CLK3: variants seen among roughly 807,000 people sequenced by gnomAD.
The protein encoded by CLK3 is CDC like kinase 3.
CLK3 carries 24 observed loss-of-function variants against 65.2 expected under a neutral mutation model. That is an observed-to-expected ratio of 0.37 (90% CI 0.27 to 0.52). The LOEUF is 0.52. Ranked by LOEUF, CLK3 falls within the 20% of genes least tolerant of loss-of-function variation. The pLI, the probability that CLK3 is intolerant of heterozygous loss-of-function variation, is 0.92. For synonymous variants in CLK3, 252 were observed against 240.8 expected (o/e 1.05, Z -0.43); for missense variants, 506 against 660.0 (o/e 0.77, Z 2.56).
Position 74,615,842 on chromosome 15 carries a change from G to A in CLK3, c.-57G>A. 1 of 1,250,892 alleles carries A rather than the reference G, an allele frequency of 8.0e-7. No individual in the cohort carries two copies. Among genetic ancestry groups the A allele is most frequent in the African/African-American group, 1.5e-5 (1 of 65,128 alleles). 77.5% of individuals were successfully genotyped at this position (1,250,892 alleles called of 1,614,324 possible). On this transcript the variant is annotated 5_prime_UTR_variant, in exon 1 of 13. Transcript: ENST00000395066. ...ACGGGCGGAGGTCGCAGCCGGAAGC[G>A]GAAGAGGCGCTCGGAGCGGGGAGTG...
Position 74,629,778 on chromosome 15 carries a change from C to T in CLK3, c.1368C>T (p.Asp456=), listed in dbSNP as rs779474372. The T allele has an allele frequency of 7.4e-6, 12 of 1,613,588 alleles. No homozygotes were observed. Among genetic ancestry groups the T allele is most frequent in the Non-Finnish European group, 1.0e-5 (12 of 1,179,798 alleles). ...TGATGAGGAGGATGTTAGAATTTGA[C>T]CCTGCCCAGCGCATCACACTGGCCG... ...FDLMRRMLEF[D]PAQRITLAEA... The change falls in exon 13 of 13, where the codon GAC becomes GAT. Residue 456 remains aspartate, a synonymous_variant. Coordinates refer to ENST00000395066, the MANE Select transcript of CLK3 (RefSeq NM_001130028.2).
chr15:74,628,769 G>A, intron 11 of CLK3, 86 bp downstream of exon 11: 5 of 1,206,446 alleles, frequency 4.1e-6, no homozygotes, highest in Non-Finnish European at 4.8e-6. Flanking sequence ...GATGTGGTGA[G>A]TCTTTGCTGG....
intron 5 of CLK3, chr15:74,623,621 C>T (rs2062120717): frequency 6.6e-6 from 1 of 152,276 alleles, no homozygotes; most frequent in Non-Finnish European, 1.5e-5. Context: ...GGGACATGCA[C>T]AACCACACCG....
At position 74,627,494 on chromosome 15, in the gene CLK3, C is replaced by T. The variant is rs759061170; in HGVS notation, c.913-45C>T. The T allele has an allele frequency of 2.9e-5, 46 of 1,614,014 alleles. No homozygotes were observed. The highest frequency in any genetic ancestry group is 3.7e-5 in the Non-Finnish European group (44 of 1,180,014). Reference sequence around the variant, plus strand: ...GGCCCTGTTTCAGGGGTGGGTTACCCGCTGGTGCAGACTCCTGACCTGGCA... The same window carrying T: ...GGCCCTGTTTCAGGGGTGGGTTACCTGCTGGTGCAGACTCCTGACCTGGCA... On this transcript the variant is annotated intron_variant, in intron 8 of 12. Transcript: ENST00000395066. This position sits in a 1 kb window ranked among gnomAD's most constrained non-coding sequence, Gnocchi z 4.3.
At chr15:74,612,977 C>T (rs968687166), upstream of CLK3, among the ~76,000 whole-genome samples, 2 of 152,222 alleles carry the variant, frequency 1.3e-5, no homozygotes, top group Admixed American at 6.5e-5. Flanking sequence ...ACATGCAGGC[C>T]AGATTGTCCT....
At position 74,622,321 on chromosome 15, in the gene CLK3, G is replaced by T; in HGVS notation, c.466+105G>T. Reference sequence around the variant, plus strand: ...CCTCTAGTGCGCGTGGTGCCTTAGCGGGGCCACCAGTAATTGCCTGAATGA... The same window carrying T: ...CCTCTAGTGCGCGTGGTGCCTTAGCTGGGCCACCAGTAATTGCCTGAATGA... On this transcript the variant is annotated intron_variant, in intron 4 of 12. Coordinates refer to ENST00000395066, the MANE Select transcript of CLK3 (RefSeq NM_001130028.2). The surrounding 1 kb of genome is among the most constrained non-coding windows in gnomAD (Gnocchi z 4.6). 1 of 1,140,468 alleles carries T rather than the reference G, an allele frequency of 8.8e-7. No individual in the cohort carries two copies. The allele number at this position is 1,140,468 out of a possible 1,614,324, so 70.6% of individuals were successfully genotyped here. A position where few individuals can be genotyped will look rare whatever the true frequency, so the allele number is the denominator to read the frequency against.
At chr15:74,628,836 G>A in intron 11 of CLK3, 106 bp from the exon 12 acceptor site, 1 of 1,013,112 alleles carries the variant, frequency 9.9e-7, no homozygotes. Context: ...CTGCAGACCT[G>A]TTGCCCTGGT....
rs761461135 is a variant in CLK3 at position 74,628,653 on chromosome 15, C to G, written c.1175C>G (p.Pro392Arg). The G allele has an allele frequency of 6.2e-7, 1 of 1,613,436 alleles. No individual in the cohort carries two copies. The highest frequency in any genetic ancestry group is 1.3e-5 in the African/African-American group (1 of 74,856). ...GTGATGATGGAGAAGATCCTAGGGC[C>G]CATCCCATCACACATGATCCACCGT... ...HLVMMEKILG[P>R]IPSHMIHRTR... Residue 392 changes from proline (P) to arginine (R), a missense_variant, in exon 11 of 13, where the codon CCC (proline) becomes CGC (arginine). Transcript: ENST00000395066.
intron 1 of CLK3, among the ~76,000 whole-genome samples, chr15:74,609,034 A>G (rs1290271162): frequency 6.6e-6 from 1 of 152,136 alleles, no homozygotes; most frequent in Non-Finnish European, 1.5e-5. Flanking sequence ...ATGGCCCCCC[A>G]ACACCATCTG....
chr15:74,617,613 G>A (rs1419217672), intron 1 of CLK3, among the ~76,000 whole-genome samples: 1 of 152,234 alleles, frequency 6.6e-6, no homozygotes, highest in East Asian at 1.9e-4. Flanking sequence ...ATGTGAATAT[G>A]TATGGACATA....
In CLK3 at chr15:74,619,195, A is replaced by C. The variant is rs1289822420; in HGVS notation, c.1-2A>C. ...CAGGGCTCTCTGTTCCTCGTGGCCT[A>C]GATGCATCACTGTAAGCGATACCGC... On this transcript the variant is annotated splice_acceptor_variant, in intron 1 of 12. Transcript: ENST00000395066. LOFTEE classifies it low-confidence loss of function (5UTR_SPLICE). 19 of 1,613,660 alleles carry C rather than the reference A, an allele frequency of 1.2e-5. No individual in the cohort carries two copies. The highest frequency in any genetic ancestry group is 1.6e-5 in the Non-Finnish European group (19 of 1,179,808).
chr15:74,618,063 G>T (rs890214912), intron 1 of CLK3, among the ~76,000 whole-genome samples: 1 of 152,202 alleles, frequency 6.6e-6, no homozygotes, highest in African/African-American at 2.4e-5. Context: ...GCTGTTCTAT[G>T]CTGCTTTTCT....
In CLK3 at chr15:74,627,616, C is replaced by G; in HGVS notation, c.990C>G (p.His330Gln). 4.3e-6 allele frequency: 7 copies of G among 1,614,132 alleles called. No homozygotes were observed. The highest frequency in any genetic ancestry group is 5.9e-6 in the Non-Finnish European group (7 of 1,180,034). The change falls in exon 9 of 13, where the codon CAC becomes CAG. Residue 330 changes from histidine to glutamine, a missense_variant. By Grantham distance (24) the His-to-Gln change is conservative (BLOSUM62 0). Transcript: ENST00000395066. This position sits in a 1 kb window ranked among gnomAD's most constrained non-coding sequence, Gnocchi z 4.3. Reference protein sequence around the residue: ...DFGSATFDHEHHTTIVATRHY... With the variant: ...DFGSATFDHEQHTTIVATRHY... Reference sequence around the variant, plus strand: ...GCAGTGCCACATTTGACCATGAGCACCACACCACCATTGTGGCCACCCGTC... The same window carrying G: ...GCAGTGCCACATTTGACCATGAGCAGCACACCACCATTGTGGCCACCCGTC...
At chr15:74,613,427 A>G (rs1045100232), upstream of CLK3, 2 of 152,250 alleles carry the variant, frequency 1.3e-5, no homozygotes, top group African/African-American at 4.8e-5. Context: ...CTGGGGGCAG[A>G]TCTTTCTCCA....
chr15:74,618,806 G>GCC (rs905016423), intron 1 of CLK3, among the ~76,000 whole-genome samples: 1 of 152,072 alleles, frequency 6.6e-6, no homozygotes, highest in African/African-American at 2.4e-5. Flanking sequence ...TCACGGGACC[G>GCC]CCCCCCCGGG....
rs1260224194 is a variant in CLK3 at position 74,627,281 on chromosome 15, G to T, written c.818-71G>T. On this transcript the variant is annotated intron_variant, in intron 7 of 12. Transcript: ENST00000395066. The surrounding 1 kb of genome is among the most constrained non-coding windows in gnomAD (Gnocchi z 4.3). ...TGGCAGTTGCTGGCATTGGAAGAGG[G>T]GTCTGGCCTAGAGCTGGCAGGAGAG... 4 of 1,193,724 alleles carry T rather than the reference G, an allele frequency of 3.4e-6. No homozygotes were observed. Among genetic ancestry groups the T allele is most frequent in the Non-Finnish European group, 5.0e-6 (4 of 798,584 alleles). The allele number at this position is 1,193,724 out of a possible 1,614,324, so 73.9% of individuals were successfully genotyped here.
chr15:74,610,194 G>A (rs1271477596), intron 1 of CLK3, among the ~76,000 whole-genome samples: 2 of 152,240 alleles, frequency 1.3e-5, no homozygotes, highest in Admixed American at 6.5e-5. Context: ...TCCAAATGCC[G>A]CTAGGCCTTT....
chr15:74,610,260 TC>T (rs2061971352), intron 1 of CLK3, among the ~76,000 whole-genome samples: 1 of 152,246 alleles, frequency 6.6e-6, no homozygotes, highest in Non-Finnish European at 1.5e-5. Context: ...GTCTGCCTGT[TC>T]CCTGCCACCC....
chr15:74,615,766 G>C, upstream of CLK3: 1 of 1,242,994 alleles, frequency 8.0e-7, no homozygotes, highest in African/African-American at 1.5e-5. Context: ...CTCCGAGCCG[G>C]GTCGAGCCGA....
Sources: allele counts gnomAD v4.1 joint callset (sites outside exome capture counted in the v4.1 genomes callset), GRCh38; gene constraint gnomAD v4.1.1; non-coding constraint Gnocchi (gnomAD v3.1); transcripts MANE v1.5; gene names NCBI Gene and HGNC (gene_info 2026-07-23, HGNC 2026-07-21).